GBF1: variants seen among roughly 807,000 people sequenced by gnomAD.
GBF1 encodes golgi brefeldin A resistant guanine nucleotide exchange factor 1.
In GBF1, 114 loss-of-function variants were observed where a neutral mutation model predicts 210.5. The observed-to-expected ratio is 0.54, with a 90% CI of 0.47 to 0.63. The LOEUF (loss-of-function observed/expected upper bound fraction) is 0.63. Ranked by LOEUF, GBF1 falls within the 30% of genes least tolerant of loss-of-function variation. The pLI, the probability that GBF1 is intolerant of heterozygous loss-of-function variation, is 0.00. For synonymous variants in GBF1, 850 were observed against 889.2 expected, an observed-to-expected ratio of 0.96 and a Z score of 0.78; for missense variants, 1,851 against 2,357.7, an observed-to-expected ratio of 0.79 and a Z score of 4.45.
Position 102,250,472 on chromosome 10 carries a change from C to G in GBF1, c.-11+4691C>G, listed in dbSNP as rs530678449. ...TTTTTGGCTCAACTGATCCTCCTAC[C>G]TTAGGCTCCCTAGTGGCTGGAACTA... On this transcript the variant is annotated intron_variant, in intron 1 of 39. Transcript: ENST00000369983. 2.0e-5 allele frequency among the ~76,000 whole-genome samples: 3 copies of G among 152,090 alleles called. No homozygotes were observed. The South Asian group carries it at 6.2e-4, about 32-fold the overall frequency.
At chr10:102,321,624 T>C (rs113676575) in intron 3 of GBF1, among the ~76,000 whole-genome samples, 6,901 of 152,058 alleles carry the variant, frequency 0.045, 227 homozygotes, top group Admixed American at 0.073. Context: ...GGCTGGAGTA[T>C]AATGGCACGA....
chr10:102,302,905 G>C (rs1319116913), intron 3 of GBF1, among the ~76,000 whole-genome samples: 1 of 151,590 alleles, frequency 6.6e-6, no homozygotes, highest in African/African-American at 2.4e-5. Context: ...CCAAGGTTGA[G>C]AAACTCTGGT....
At chr10:102,319,362 G>C (rs938043904) in intron 3 of GBF1, among the ~76,000 whole-genome samples, 2 of 147,338 alleles carry the variant, frequency 1.4e-5, no homozygotes, top group Non-Finnish European at 3.0e-5. Flanking sequence ...AACATAGCAG[G>C]ACTCCTGTCT....
intron 3 of GBF1, among the ~76,000 whole-genome samples, chr10:102,262,374 A>C (rs2073349828): frequency 6.6e-6 from 1 of 152,158 alleles, no homozygotes; most frequent in Non-Finnish European, 1.5e-5. Flanking sequence ...TAAAGCTTAC[A>C]TATCCCAATT....
intron 33 of GBF1, among the ~76,000 whole-genome samples, chr10:102,377,446 C>T (rs1343330648): frequency 1.3e-5 from 2 of 152,044 alleles, no homozygotes; most frequent in Admixed American, 6.6e-5. Context: ...CTCCACCTCC[C>T]GGGTTCAAGC....
At chr10:102,323,615 G>A (rs905303093) in intron 3 of GBF1, among the ~76,000 whole-genome samples, 2 of 144,770 alleles carry the variant, frequency 1.4e-5, no homozygotes, top group Non-Finnish European at 3.0e-5. Flanking sequence ...ACGGGACCTC[G>A]CTATATTGCC....
intron 1 of GBF1, among the ~76,000 whole-genome samples, chr10:102,257,360 G>A (rs1290026938): frequency 6.6e-6 from 1 of 152,076 alleles, no homozygotes; most frequent in Non-Finnish European, 1.5e-5. Context: ...CCAGGCTGGA[G>A]TGCAGTTGTG....
At chr10:102,278,370 C>A (rs1391729614) in intron 3 of GBF1, among the ~76,000 whole-genome samples, 1 of 152,022 alleles carries the variant, frequency 6.6e-6, no homozygotes, top group African/African-American at 2.4e-5. Context: ...GCCTAGAACT[C>A]CCAGCCTCAA....
chr10:102,254,139 G>C (rs1452519448), intron 1 of GBF1, among the ~76,000 whole-genome samples: 1 of 152,022 alleles, frequency 6.6e-6, no homozygotes, highest in Non-Finnish European at 1.5e-5. Flanking sequence ...TTTTGAACAG[G>C]CATTTTTAAT....
At chr10:102,380,422 C>A in intron 37 of GBF1, 60 bp downstream of exon 37, 1 of 1,580,910 alleles carries the variant, frequency 6.3e-7, no homozygotes, top group Non-Finnish European at 8.7e-7. Flanking sequence ...AGGACTTGCC[C>A]TTTCCCCCTT....
chr10:102,368,805 A>C lies in GBF1; in HGVS notation c.2946A>C (p.Leu982=), dbSNP rs772872196. The C allele has an allele frequency of 6.2e-7, 1 of 1,612,236 alleles. No individual in the cohort carries two copies. Among genetic ancestry groups the C allele is most frequent in the African/African-American group, 1.3e-5 (1 of 74,852 alleles). ...TGTTTGACAATCTCATCATCTCTCT[A>C]TGCAAATTCACAGCTCTCAGCAGTG... ...SDVFDNLIIS[L]CKFTALSSES... The change falls in exon 23 of 40, where the codon CTA becomes CTC. Residue 982 remains leucine (L), a synonymous_variant. Coordinates refer to ENST00000369983, the MANE Select transcript of GBF1 (RefSeq NM_001377137.1).
At chr10:102,355,243 G>T (rs1382243426) in intron 8 of GBF1, among the ~76,000 whole-genome samples, 1 of 152,204 alleles carries the variant, frequency 6.6e-6, no homozygotes, top group Admixed American at 6.5e-5. Flanking sequence ...AAAAAACTCT[G>T]TGTATGTACA....
chr10:102,230,883 C>T, the GBF1 span: 1 of 1,609,674 alleles, frequency 6.2e-7, no homozygotes, highest in Non-Finnish European at 8.5e-7. Flanking sequence ...AAGCCAGAGG[C>T]CCCACGTTGA....
chr10:102,362,719 T>C, intron 15 of GBF1, 55 bp downstream of exon 15: 1 of 1,399,572 alleles, frequency 7.1e-7, no homozygotes, highest in Non-Finnish European at 1.0e-6. Context: ...ATCCCTTCTC[T>C]ACTCTCTGAG....
At position 102,335,898 on chromosome 10, in the gene GBF1, C is replaced by T. The variant is rs965135598; in HGVS notation, c.164-8153C>T. 3.9e-5 allele frequency among the ~76,000 whole-genome samples: 6 copies of T among 152,160 alleles called. No homozygotes were observed. The South Asian group carries it at 8.3e-4, about 21-fold the overall frequency. On this transcript the variant is annotated intron_variant, in intron 3 of 39. Transcript: ENST00000369983. ...TTAAAAGTGCTATCCCAAATTGTAC[C>T]GTAAATATCAACCACCCGTTATCTC...
chr10:102,371,860 G>A (rs1471236951), intron 29 of GBF1, among the ~76,000 whole-genome samples: 4 of 151,052 alleles, frequency 2.6e-5, no homozygotes, highest in Non-Finnish European at 5.9e-5. Flanking sequence ...ACTCAAGGCG[G>A]AGGTTGCAGT....
intron 3 of GBF1, among the ~76,000 whole-genome samples, chr10:102,273,687 T>C (rs759319086): frequency 1.1e-4 from 17 of 152,198 alleles, no homozygotes; most frequent in Non-Finnish European, 1.5e-5. Context: ...TGGGAATGAG[T>C]GGATTCTTCA....
At chr10:102,379,202 G>T (rs2060693601) in intron 33 of GBF1, 82 bp from the exon 34 acceptor site, 3 of 1,370,398 alleles carry the variant, frequency 2.2e-6, no homozygotes, top group Non-Finnish European at 3.1e-6. Flanking sequence ...TGAGGACTTA[G>T]TTAGGGACAG....
rs770517190 is a variant in GBF1, at chr10:102,382,254, C to T, written c.5501C>T (p.Ala1834Val). Reference sequence around the variant, plus strand: ...ACTCTGCCCATCATCCTCAACCCTGCGCTCATCGAGGCCACCTCACCAGTG... The same window carrying T: ...ACTCTGCCCATCATCCTCAACCCTGTGCTCATCGAGGCCACCTCACCAGTG... ...PMTLPIILNP[A>V]LIEATSPVPL... is the part of the protein sequence containing the mutation. The change falls in exon 40 of 40, where the codon GCG becomes GTG. Residue 1834 changes from alanine (A) to valine (V), a missense_variant. By Grantham distance (64) the Ala-to-Val change is moderately conservative. Around this residue, in one of 3 missense-constraint regions of GBF1, gnomAD observed 967 missense variants for 1,247.7 expected, o/e 0.78. Coordinates refer to ENST00000369983, the MANE Select transcript of GBF1 (RefSeq NM_001377137.1). 7.4e-6 allele frequency: 12 copies of T among 1,613,948 alleles called. No individual in the cohort carries two copies. The highest frequency in any genetic ancestry group is 1.7e-5 in the Admixed American group (1 of 60,018).
Sources: gnomAD v4.1 joint callset for allele counts (sites outside exome capture counted in the v4.1 genomes callset) on GRCh38, gnomAD v4.1.1 for gene constraint, gnomAD v4.1.1 regional missense constraint, MANE v1.5 for transcripts, NCBI Gene and HGNC (gene_info 2026-07-23, HGNC 2026-07-21) for gene names.